Variants in CD59 observed in about 807,000 individuals in gnomAD.
CD59 encodes the protein CD59 glycoprotein.
CD59 carries 3 observed loss-of-function variants against 7.0 expected under a neutral mutation model. The observed-to-expected ratio is 0.43, with a 90% CI of 0.19 to 1.10. The LOEUF (loss-of-function observed/expected upper bound fraction) is 1.10, where lower values mean the gene tolerates loss of function less well. Ranked by LOEUF, CD59 falls within the 50% of genes least tolerant of loss-of-function variation. The pLI, the probability that CD59 is intolerant of heterozygous loss-of-function variation, is 0.29. For missense variants in CD59, 143 were observed against 151.0 expected (o/e 0.95, Z 0.28); for synonymous variants, 60 against 62.0 (o/e 0.97, Z 0.15).
At position 33,703,026 on chromosome 11, in the gene CD59, T is replaced by G. The variant is rs1171195427; in HGVS notation, c.*7100A>C. On this transcript the variant is annotated 3_prime_UTR_variant, in exon 4 of 4. Coordinates refer to ENST00000642928, the MANE Select transcript of CD59 (RefSeq NM_000611.6). The stretch of plus-strand genomic sequence containing the variant: ...TAAAGGCCCTTAGAAGGAAAAGAGA[T>G]TTTGCGTTATATTTTTTAAATGAAG... The G allele has an allele frequency of 6.6e-6, 1 of 152,270 alleles. No homozygotes were observed. Among genetic ancestry groups the G allele is most frequent in the African/African-American group, 2.4e-5 (1 of 41,444 alleles). 9.4% of individuals were successfully genotyped at this position (152,270 alleles called of 1,614,324 possible). A position where few individuals can be genotyped will look rare whatever the true frequency, so the allele number is the denominator to read the frequency against.
chr11:33,711,052 T>TG (rs34248445), intron 3 of CD59, among the ~76,000 whole-genome samples: 9,806 of 131,990 alleles, frequency 0.074, 395 homozygotes, highest in East Asian at 0.16. Flanking sequence ...AAAATAAAGG[T>TG]GGGGGGGGGG....
At chr11:33,727,213 C>CA (rs1854284277) in intron 1 of CD59, among the ~76,000 whole-genome samples, 1 of 152,110 alleles carries the variant, frequency 6.6e-6, no homozygotes, top group East Asian at 1.9e-4. Flanking sequence ...CTGGCAGAGA[C>CA]ACAACAACAA....
rs1564963795 is a variant in CD59, at chr11:33,703,674, G to C, written c.*6452C>G. 1 of 152,202 alleles carries C rather than the reference G, an allele frequency of 6.6e-6. No homozygotes were observed. The highest frequency in any genetic ancestry group is 1.5e-5 in the Non-Finnish European group (1 of 68,030). The allele number at this position is 152,202 out of a possible 1,614,324, so 9.4% of individuals were successfully genotyped here. On this transcript the variant is annotated 3_prime_UTR_variant, in exon 4 of 4. Coordinates refer to ENST00000642928, the MANE Select transcript of CD59 (RefSeq NM_000611.6). ...CGTGAGGCCAGGTTAGAAAGTCACA[G>C]GCCTTGGCAGCAGGCAGAGAGCCTT...
intron 2 of CD59, chr11:33,718,746 T>C (rs1332324237): frequency 6.6e-6 from 1 of 152,202 alleles, no homozygotes; most frequent in Non-Finnish European, 1.5e-5. Context: ...TTGCTCCCAG[T>C]CAATTCTTAA....
intron 1 of CD59, among the ~76,000 whole-genome samples, chr11:33,730,857 A>G (rs1738548): frequency 0.28 from 43,320 of 152,172 alleles, 6,379 homozygotes; most frequent in Middle Eastern, 0.41. Context: ...CAGTTGAACT[A>G]CTTGATATGT....
rs974609631 is a variant in CD59 at position 33,708,676 on chromosome 11, C to T, written c.*1450G>A. ...GAGAACACAGAGCACCAAGGTAATG[C>T]TAAGTTTTGATAAGCAAGTTTCTAT... On this transcript the variant is annotated 3_prime_UTR_variant, in exon 4 of 4. Transcript: ENST00000642928. 1.3e-5 allele frequency: 2 copies of T among 151,346 alleles called. No individual in the cohort carries two copies. Among genetic ancestry groups the T allele is most frequent in the Admixed American group, 6.6e-5 (1 of 15,204 alleles). The allele number at this position is 151,346 out of a possible 1,614,324, so 9.4% of individuals were successfully genotyped here.
At chr11:33,716,458 A>G (rs1383640075) in intron 3 of CD59, among the ~76,000 whole-genome samples, 2 of 152,154 alleles carry the variant, frequency 1.3e-5, no homozygotes, top group East Asian at 3.8e-4. Context: ...TGTTTTTATT[A>G]TTAATCTCTT....
rs1409796757 is a variant in CD59, at chr11:33,709,461, C to T, written c.*665G>A. 6.2e-6 allele frequency: 1 copy of T among 161,110 alleles called. No individual in the cohort carries two copies. Among genetic ancestry groups the T allele is most frequent in the Non-Finnish European group, 1.4e-5 (1 of 72,714 alleles). 10.0% of individuals were successfully genotyped at this position (161,110 alleles called of 1,614,324 possible). A position where few individuals can be genotyped will look rare whatever the true frequency, so the allele number is the denominator to read the frequency against. ...AGCTTTAACACACCATTGATGTATG[C>T]TATTACACTTTTCCAGTGGAAGATA... On this transcript the variant is annotated 3_prime_UTR_variant, in exon 4 of 4. Transcript: ENST00000642928.
At chr11:33,713,554 A>C (rs777767467) in intron 3 of CD59, among the ~76,000 whole-genome samples, 14 of 152,236 alleles carry the variant, frequency 9.2e-5, no homozygotes, top group Non-Finnish European at 1.5e-4. Flanking sequence ...TGAAGTCTTA[A>C]CTAAATAACT....
At chr11:33,725,938 C>T (rs181280488) in intron 1 of CD59, among the ~76,000 whole-genome samples, 43 of 152,212 alleles carry the variant, frequency 2.8e-4, no homozygotes, top group Non-Finnish European at 5.1e-4. Flanking sequence ...TAAAGAAGGG[C>T]ATTACATAAT....
chr11:33,717,628 T>C (rs1169980993), intron 2 of CD59, 157 bp from the exon 3 acceptor site: 2 of 654,200 alleles, frequency 3.1e-6, no homozygotes, highest in East Asian at 5.7e-5. Flanking sequence ...AAATTCAAAC[T>C]ACAGTTCCAG....
rs938726670 is a variant in CD59 at position 33,707,889 on chromosome 11, G to A, written c.*2237C>T. The A allele has an allele frequency of 2.0e-5, 3 of 152,220 alleles. No homozygotes were observed. The highest frequency in any genetic ancestry group is 4.1e-4 in the South Asian group (2 of 4,836). The allele number at this position is 152,220 out of a possible 1,614,324, so 9.4% of individuals were successfully genotyped here. Reference sequence around the variant, plus strand: ...TGAAGAGCTTGCCAAGGACAGGACTGATTCTTCCTCCAGCCTCACCTATCG... The same window carrying A: ...TGAAGAGCTTGCCAAGGACAGGACTAATTCTTCCTCCAGCCTCACCTATCG... On this transcript the variant is annotated 3_prime_UTR_variant, in exon 4 of 4. Transcript: ENST00000642928.
intron 3 of CD59, among the ~76,000 whole-genome samples, chr11:33,714,285 A>G (rs1235732610): frequency 6.6e-6 from 1 of 152,224 alleles, no homozygotes; most frequent in Non-Finnish European, 1.5e-5. Context: ...CTGTACAGCA[A>G]GTTACTATAC....
chr11:33,717,947 A>G (rs1564973193), intron 2 of CD59: 1 of 211,296 alleles, frequency 4.7e-6, no homozygotes, highest in Non-Finnish European at 9.7e-6. Flanking sequence ...GTATTAATAG[A>G]TGAACATCTG....
intron 3 of CD59, chr11:33,711,410 A>AGT (rs1246317871): frequency 1.4e-6 from 1 of 701,432 alleles, no homozygotes; most frequent in Non-Finnish European, 2.6e-6. Flanking sequence ...CAATGAGGCC[A>AGT]GTGTGATGGC....
In CD59 at chr11:33,709,919, T is replaced by C; in HGVS notation, c.*207A>G. ...AGTCACACCTACTTCACTCTTAGACTTCTTCCTTCAAGTGGGGCTTCCCTG... is the reference window on the plus strand; with the variant it reads ...AGTCACACCTACTTCACTCTTAGACCTCTTCCTTCAAGTGGGGCTTCCCTG... On this transcript the variant is annotated 3_prime_UTR_variant, in exon 4 of 4. Transcript: ENST00000642928. 1.6e-6 allele frequency: 1 copy of C among 628,012 alleles called. No individual in the cohort carries two copies. Among genetic ancestry groups the C allele is most frequent in the Non-Finnish European group, 2.8e-6 (1 of 354,374 alleles). 38.9% of individuals were successfully genotyped at this position (628,012 alleles called of 1,614,324 possible). A position where few individuals can be genotyped will look rare whatever the true frequency, so the allele number is the denominator to read the frequency against.
chr11:33,711,891 C>T (rs1438556963), intron 3 of CD59, among the ~76,000 whole-genome samples: 1 of 152,148 alleles, frequency 6.6e-6, no homozygotes, highest in African/African-American at 2.4e-5. Context: ...AAAATTGGAA[C>T]CCTCAAACAT....
chr11:33,714,127 C>T (rs767986810), intron 3 of CD59, among the ~76,000 whole-genome samples: 26 of 152,350 alleles, frequency 1.7e-4, no homozygotes, highest in Middle Eastern at 6.8e-3. Flanking sequence ...TAGCAGCCAA[C>T]CTGTCTCTCT....
At chr11:33,725,120 T>C (rs1228534102) in intron 1 of CD59, among the ~76,000 whole-genome samples, 1 of 152,136 alleles carries the variant, frequency 6.6e-6, no homozygotes, top group African/African-American at 2.4e-5. Flanking sequence ...GATCCTTTAC[T>C]TTTTGCCATC....
Sources: gnomAD v4.1 joint callset for allele counts (sites outside exome capture counted in the v4.1 genomes callset) on GRCh38, gnomAD v4.1.1 for gene constraint, MANE v1.5 for transcripts, NCBI Gene and HGNC (gene_info 2026-07-23, HGNC 2026-07-21) for gene names.